The following PPP3CA variants were observed in gnomAD, a reference collection of about 807,000 sequenced individuals.
The protein encoded by PPP3CA is protein phosphatase 3 catalytic subunit alpha, also known as CAM-PRP catalytic subunit.
In PPP3CA, 14 loss-of-function variants were observed where a neutral mutation model predicts 66.5. The ratio of observed to expected loss-of-function variants is 0.21; its 90% CI spans 0.14 to 0.33. The LOEUF (loss-of-function observed/expected upper bound fraction) is 0.33. Ranked by LOEUF, PPP3CA falls within the 10% of genes least tolerant of loss-of-function variation. PPP3CA has a pLI of 1.00. For synonymous variants in PPP3CA, 232 were observed against 226.2 expected, an observed-to-expected ratio of 1.03 and a Z score of -0.23; for missense variants, 317 against 639.5, an observed-to-expected ratio of 0.50 and a Z score of 5.44.
intron 2 of PPP3CA, among the ~76,000 whole-genome samples, chr4:101,122,432 G>A (rs1010319689): frequency 2.6e-5 from 4 of 152,174 alleles, no homozygotes; most frequent in African/African-American, 7.2e-5. Flanking sequence ...ATGTGCACAC[G>A]TACTTATGTT....
intron 2 of PPP3CA, among the ~76,000 whole-genome samples, chr4:101,131,099 T>A (rs544871787): frequency 1.3e-5 from 2 of 151,770 alleles, no homozygotes; most frequent in African/African-American, 4.8e-5. Context: ...TAGTGGGGCA[T>A]GGTGGTGGGG....
chr4:101,061,944 T>C (rs1364172867), intron 9 of PPP3CA, among the ~76,000 whole-genome samples: 1 of 152,104 alleles, frequency 6.6e-6, no homozygotes, highest in African/African-American at 2.4e-5. Context: ...TAAAGTAATA[T>C]GCTATTTAAA....
intron 2 of PPP3CA, among the ~76,000 whole-genome samples, chr4:101,153,707 A>G (rs912268357): frequency 6.6e-6 from 1 of 152,172 alleles, no homozygotes; most frequent in Non-Finnish European, 1.5e-5. Flanking sequence ...AAAAACAAAC[A>G]GCTCCCACAG....
chr4:101,175,950 T>C (rs966881914), intron 2 of PPP3CA, among the ~76,000 whole-genome samples: 2 of 152,148 alleles, frequency 1.3e-5, no homozygotes, highest in African/African-American at 2.4e-5. Flanking sequence ...CAGCATTATA[T>C]GGTCTCCACA....
intron 1 of PPP3CA, among the ~76,000 whole-genome samples, chr4:101,330,675 T>C (rs1351473974): frequency 6.6e-6 from 1 of 152,084 alleles, no homozygotes; most frequent in Non-Finnish European, 1.5e-5. Flanking sequence ...AAACCGACAA[T>C]ATCTCCAAAA....
At chr4:101,058,610 A>G (rs1728326213) in intron 10 of PPP3CA, among the ~76,000 whole-genome samples, 1 of 152,220 alleles carries the variant, frequency 6.6e-6, no homozygotes, top group Non-Finnish European at 1.5e-5. Context: ...TTGGAATTAA[A>G]ACAGAGTTTA....
chr4:101,209,907 A>T (rs1295961382), intron 1 of PPP3CA, among the ~76,000 whole-genome samples: 1 of 152,164 alleles, frequency 6.6e-6, no homozygotes, highest in Non-Finnish European at 1.5e-5. Context: ...AACACAAAAC[A>T]AATACAAAGT....
chr4:101,114,794 T>C (rs1299694420), intron 2 of PPP3CA, among the ~76,000 whole-genome samples: 1 of 152,040 alleles, frequency 6.6e-6, no homozygotes, highest in Admixed American at 6.6e-5. Flanking sequence ...TGATCTAAGT[T>C]GAAGCATTTT....
At chr4:101,093,228 T>C (rs1176460808) in intron 6 of PPP3CA, among the ~76,000 whole-genome samples, 1 of 152,170 alleles carries the variant, frequency 6.6e-6, no homozygotes, top group Non-Finnish European at 1.5e-5. Flanking sequence ...TTTTTCATTG[T>C]TTTTTGGCCA....
At chr4:101,247,793 T>C (rs1726536376) in intron 1 of PPP3CA, among the ~76,000 whole-genome samples, 1 of 152,076 alleles carries the variant, frequency 6.6e-6, no homozygotes, top group Non-Finnish European at 1.5e-5. Context: ...AAGAACACAA[T>C]AACAAAATAG....
intron 2 of PPP3CA, 90 bp from the exon 3 acceptor site, chr4:101,109,168 T>C: frequency 1.5e-6 from 2 of 1,329,488 alleles, no homozygotes; most frequent in Admixed American, 2.1e-5. Context: ...CCAGAATTAA[T>C]TTCAAGTTTA....
chr4:101,261,252 T>C (rs1266235474), intron 1 of PPP3CA, among the ~76,000 whole-genome samples: 1 of 152,102 alleles, frequency 6.6e-6, no homozygotes, highest in African/African-American at 2.4e-5. Flanking sequence ...TTACAGCATA[T>C]CAGAGGTAAA....
chr4:101,057,137 C>A (rs923906284), intron 10 of PPP3CA, among the ~76,000 whole-genome samples: 4 of 152,020 alleles, frequency 2.6e-5, no homozygotes, highest in Non-Finnish European at 5.9e-5. Context: ...TCACTGCAAC[C>A]TCTGTCTCCC....
intron 1 of PPP3CA, among the ~76,000 whole-genome samples, chr4:101,286,167 T>C (rs1337439062): frequency 2.6e-5 from 4 of 152,180 alleles, no homozygotes; most frequent in Non-Finnish European, 5.9e-5. Context: ...GAGAATCAAA[T>C]GCCACTGCTG....
intron 2 of PPP3CA, among the ~76,000 whole-genome samples, chr4:101,122,439 T>C (rs1722060747): frequency 6.6e-6 from 1 of 152,228 alleles, no homozygotes; most frequent in African/African-American, 2.4e-5. Flanking sequence ...CACGTACTTA[T>C]GTTACAGATG....
At chr4:101,238,717 C>A (rs1206222735) in intron 1 of PPP3CA, among the ~76,000 whole-genome samples, 3 of 152,086 alleles carry the variant, frequency 2.0e-5, no homozygotes, top group East Asian at 1.9e-4. Context: ...CAAGCTAGAT[C>A]TTAATCGTTT....
intron 1 of PPP3CA, among the ~76,000 whole-genome samples, chr4:101,340,050 T>C (rs1454849616): frequency 2.6e-5 from 4 of 152,204 alleles, no homozygotes; most frequent in East Asian, 1.9e-4. Context: ...AACTCTCTCT[T>C]TGAACATCAA....
intron 6 of PPP3CA, among the ~76,000 whole-genome samples, chr4:101,090,535 G>A (rs1022880074): frequency 3.3e-5 from 5 of 150,990 alleles, no homozygotes; most frequent in African/African-American, 4.9e-5. Context: ...CCAGCTACTC[G>A]GGAGGCTGAG....
At chr4:101,060,484 C>T (rs1471972105) in intron 10 of PPP3CA, among the ~76,000 whole-genome samples, 1 of 152,078 alleles carries the variant, frequency 6.6e-6, no homozygotes, top group Non-Finnish European at 1.5e-5. Flanking sequence ...TTTTCCCCTT[C>T]ATCTTTAACT....
Sources: allele counts gnomAD v4.1 joint callset (sites outside exome capture counted in the v4.1 genomes callset), GRCh38; gene constraint gnomAD v4.1.1; transcripts MANE v1.5; gene names NCBI Gene and HGNC (gene_info 2026-07-23, HGNC 2026-07-21).